The following SSH2 variants were observed in gnomAD, a reference collection of about 807,000 sequenced individuals.
SSH2 encodes the protein protein phosphatase Slingshot homolog 2.
In SSH2, 37 loss-of-function variants were observed where a neutral mutation model predicts 135.2. The ratio of observed to expected loss-of-function variants is 0.27; its 90% CI spans 0.21 to 0.36. The LOEUF (loss-of-function observed/expected upper bound fraction) is 0.36, where lower values mean the gene tolerates loss of function less well. SSH2 is among the 10% of genes least tolerant of loss of function. SSH2 has a pLI of 1.00. For synonymous variants in SSH2, 628 were observed against 646.2 expected, an observed-to-expected ratio of 0.97 and a Z score of 0.43; for missense variants, 1,408 against 1,765.3, an observed-to-expected ratio of 0.80 and a Z score of 3.63.
chr17:29,750,941 A>C (rs2151229879), intron 3 of SSH2, among the ~76,000 whole-genome samples: 1 of 152,254 alleles, frequency 6.6e-6, no homozygotes, highest in South Asian at 2.1e-4. Flanking sequence ...CTTAGGCCTA[A>C]AGAGTCAGGA....
intron 1 of SSH2, among the ~76,000 whole-genome samples, chr17:29,921,464 T>C (rs2066974982): frequency 6.6e-6 from 1 of 152,260 alleles, no homozygotes; most frequent in Non-Finnish European, 1.5e-5. Context: ...AAAGTGATCA[T>C]ATCCTTTGGG....
intron 1 of SSH2, among the ~76,000 whole-genome samples, chr17:29,910,882 T>C (rs1445168920): frequency 2.0e-5 from 3 of 152,238 alleles, no homozygotes; most frequent in African/African-American, 2.4e-5. Context: ...TTTTGGCCCA[T>C]AAACTTGGAA....
intron 2 of SSH2, among the ~76,000 whole-genome samples, chr17:29,795,927 G>C (rs527327705): frequency 6.6e-6 from 1 of 152,118 alleles, no homozygotes; most frequent in Admixed American, 6.5e-5. Context: ...TTTTTTAGTA[G>C]AGATGGGGTT....
At chr17:29,657,582 T>TTTTTG (rs2036841818) in intron 11 of SSH2, among the ~76,000 whole-genome samples, 1 of 141,616 alleles carries the variant, frequency 7.1e-6, no homozygotes, top group South Asian at 2.4e-4. Flanking sequence ...TTGTTTTTTT[T>TTTTTG]TTTTTTTTTT....
intron 3 of SSH2, among the ~76,000 whole-genome samples, chr17:29,778,835 C>CA (rs60595591): frequency 0.011 from 423 of 37,854 alleles, 46 homozygotes; most frequent in East Asian, 0.018. Context: ...CTCCGTCTCC[C>CA]AAAAAAAAAA....
intron 3 of SSH2, among the ~76,000 whole-genome samples, chr17:29,784,598 C>CAAAA (rs59705618): frequency 7.2e-6 from 1 of 138,476 alleles, no homozygotes. Flanking sequence ...GACTCCTTCT[C>CAAAA]AAAAAAAAAA....
intron 2 of SSH2, among the ~76,000 whole-genome samples, chr17:29,824,004 TA>T (rs2042700867): frequency 6.6e-6 from 1 of 152,214 alleles, no homozygotes; most frequent in Admixed American, 6.5e-5. Flanking sequence ...TTTTATTTTT[TA>T]GTGCTTAAAT....
At chr17:29,671,913 A>G (rs2037510877) in intron 9 of SSH2, 22 bp downstream of exon 9, 2 of 1,600,236 alleles carry the variant, frequency 1.2e-6, no homozygotes, top group Non-Finnish European at 1.7e-6. Flanking sequence ...GAACTTCCAT[A>G]ATCCTTAGCA....
chr17:29,886,456 T>G (rs1049327566), intron 1 of SSH2, among the ~76,000 whole-genome samples: 1 of 151,752 alleles, frequency 6.6e-6, no homozygotes, highest in Non-Finnish European at 1.5e-5. Context: ...GCATAAAAGT[T>G]TGGAAAATGG....
chr17:29,733,411 A>G (rs189093908), intron 3 of SSH2, among the ~76,000 whole-genome samples: 4 of 152,388 alleles, frequency 2.6e-5, no homozygotes, highest in African/African-American at 9.6e-5. Flanking sequence ...AAACATAAGT[A>G]TAACAAATAG....
intron 3 of SSH2, among the ~76,000 whole-genome samples, chr17:29,724,177 A>C (rs2039911285): frequency 2.0e-5 from 3 of 152,198 alleles, no homozygotes; most frequent in Admixed American, 6.5e-5. Context: ...AAACAGAGGA[A>C]GGTGCCTATT....
Position 29,631,398 on chromosome 17 carries a change from C to T in SSH2, c.3796G>A (p.Glu1266Lys), listed in dbSNP as rs745762993. 79 of 1,613,998 alleles carry T rather than the reference C, an allele frequency of 4.9e-5. No individual in the cohort carries two copies. The highest frequency in any genetic ancestry group is 6.3e-5 in the Non-Finnish European group (74 of 1,180,012). Reference protein sequence around the residue: ...GVVKERAKEIESRVVFQAGLT... With the variant: ...GVVKERAKEIKSRVVFQAGLT... ...CCTGCCTGGAAAACCACTCGAGACTCGATTTCTTTAGCACGCTCCTTCACC... is the reference window on the plus strand; with the variant it reads ...CCTGCCTGGAAAACCACTCGAGACTTGATTTCTTTAGCACGCTCCTTCACC... The change falls in exon 16 of 16, where the codon GAG (glutamate) becomes AAG (lysine). Residue 1266 changes from glutamate (E) to lysine (K), a missense_variant. Transcript: ENST00000540801.
Position 29,690,193 on chromosome 17 carries a change from C to T in SSH2, c.357+5266G>A, listed in dbSNP as rs184922878. On this transcript the variant is annotated intron_variant, in intron 5 of 15. Coordinates refer to ENST00000540801, the MANE Select transcript of SSH2 (RefSeq NM_001282129.2). ...CCAAGGCGGGCAGATCACCTGAGGT[C>T]GGGAGTTCAAGACCAGCCAGACCAA... Among the ~76,000 whole-genome samples, 38 of 151,972 alleles carry T rather than the reference C, an allele frequency of 2.5e-4. No individual in the cohort carries two copies. In the East Asian group the frequency reaches 6.0e-3, roughly 24 times the overall value.
At chr17:29,721,374 G>C (rs532949951) in intron 3 of SSH2, among the ~76,000 whole-genome samples, 1 of 152,070 alleles carries the variant, frequency 6.6e-6, no homozygotes, top group African/African-American at 2.4e-5. Flanking sequence ...GGTTTTGGTC[G>C]AGCTAGGTCC....
chr17:29,672,802 CAA>C (rs1239378427), intron 8 of SSH2, among the ~76,000 whole-genome samples: 2 of 152,154 alleles, frequency 1.3e-5, no homozygotes, highest in African/African-American at 4.8e-5. Flanking sequence ...CTCCTGGGTT[CAA>C]GTGATTCTCA....
At chr17:29,793,860 CA>C in intron 3 of SSH2, 33 bp downstream of exon 3, 1 of 1,586,298 alleles carries the variant, frequency 6.3e-7, no homozygotes, top group African/African-American at 1.4e-5. Context: ...TATCCTACAA[CA>C]AAAATGCCGT....
intron 1 of SSH2, among the ~76,000 whole-genome samples, chr17:29,877,114 T>A (rs1273452624): frequency 6.6e-6 from 1 of 152,144 alleles, no homozygotes; most frequent in African/African-American, 2.4e-5. Flanking sequence ...AACAGGCATA[T>A]GAAAAGGTAC....
intron 3 of SSH2, among the ~76,000 whole-genome samples, chr17:29,730,506 A>G (rs2447935): frequency 0.45 from 66,519 of 149,334 alleles, 15,130 homozygotes; most frequent in Non-Finnish European, 0.49. Flanking sequence ...CATGATCACC[A>G]CTCACTGTAG....
At chr17:29,835,545 C>T (rs960732008) in intron 2 of SSH2, among the ~76,000 whole-genome samples, 1 of 152,144 alleles carries the variant, frequency 6.6e-6, no homozygotes, top group African/African-American at 2.4e-5. Flanking sequence ...AGCTCCTGGA[C>T]CAGGCCCTGC....
Sources: gnomAD v4.1 joint callset for allele counts (sites outside exome capture counted in the v4.1 genomes callset) on GRCh38, gnomAD v4.1.1 for gene constraint, MANE v1.5 for transcripts, NCBI Gene and HGNC (gene_info 2026-07-23, HGNC 2026-07-21) for gene names.